Variants in CLSTN2 observed in about 807,000 individuals in gnomAD.
CLSTN2 encodes the protein calsyntenin 2, also known as calsyntenin-2.
A neutral mutation model predicts 101.2 loss-of-function variants in CLSTN2; 48 were observed. That is an observed-to-expected ratio of 0.47 (90% confidence interval 0.38 to 0.60). The LOEUF is 0.60. CLSTN2 is among the 20% of genes least tolerant of loss of function. The pLI, the probability that CLSTN2 is intolerant of heterozygous loss-of-function variation, is 0.00. For synonymous variants in CLSTN2, 481 were observed against 463.6 expected (o/e 1.04, Z -0.48); for missense variants, 1,160 against 1,238.2 (o/e 0.94, Z 0.95).
intron 1 of CLSTN2, among the ~76,000 whole-genome samples, chr3:140,120,747 G>A (rs182948962): frequency 5.9e-5 from 9 of 152,290 alleles, no homozygotes; most frequent in Admixed American, 2.0e-4. Flanking sequence ...TCTGTATATC[G>A]TAAGACCACA....
intron 1 of CLSTN2, among the ~76,000 whole-genome samples, chr3:140,064,534 C>T (rs892401321): frequency 1.3e-5 from 2 of 152,086 alleles, no homozygotes; most frequent in African/African-American, 4.8e-5. Flanking sequence ...AAATCAAAAC[C>T]ACAATGACCA....
In CLSTN2 at chr3:139,980,183, G is replaced by T. The variant is rs978627099; in HGVS notation, c.109+44700G>T. On this transcript the variant is annotated intron_variant, in intron 1 of 16. Coordinates refer to ENST00000458420, the MANE Select transcript of CLSTN2 (RefSeq NM_022131.3). ...AAAATGCAAACCTTAAAACTCTATT[G>T]CCTTCCCAGGCATCTATGTTTCACA... Among the ~76,000 whole-genome samples the T allele has an allele frequency of 1.3e-5, 2 of 151,950 alleles. 1 individual carries two copies. Among genetic ancestry groups the T allele is most frequent in the Admixed American group, 1.3e-4 (2 of 15,232 alleles).
chr3:140,164,636 A>G (rs2010103948), intron 1 of CLSTN2, among the ~76,000 whole-genome samples: 2 of 152,212 alleles, frequency 1.3e-5, no homozygotes, highest in African/African-American at 4.8e-5. Flanking sequence ...AACTTTGGCC[A>G]GTTGGCTTGA....
At chr3:140,061,719 A>C (rs1216618415) in intron 1 of CLSTN2, among the ~76,000 whole-genome samples, 1 of 152,238 alleles carries the variant, frequency 6.6e-6, no homozygotes, top group Non-Finnish European at 1.5e-5. Context: ...GGCAGGACAC[A>C]GTTGCATTCT....
chr3:140,490,445 T>C (rs1477327711), intron 8 of CLSTN2, among the ~76,000 whole-genome samples: 1 of 151,542 alleles, frequency 6.6e-6, no homozygotes, highest in African/African-American at 2.4e-5. Flanking sequence ...CGGACACTTA[T>C]TCCAGAAAAC....
At chr3:140,456,093 G>A (rs1430077069) in intron 6 of CLSTN2, among the ~76,000 whole-genome samples, 1 of 152,228 alleles carries the variant, frequency 6.6e-6, no homozygotes, top group Non-Finnish European at 1.5e-5. Context: ...ACACTACTGT[G>A]TGGTAGAAAG....
intron 4 of CLSTN2, among the ~76,000 whole-genome samples, chr3:140,412,798 T>C (rs1332341030): frequency 6.6e-6 from 1 of 152,014 alleles, no homozygotes; most frequent in Non-Finnish European, 1.5e-5. Flanking sequence ...GAACAACAAA[T>C]GGGTCAAAGA....
At chr3:139,959,233 C>T (rs959280581) in intron 1 of CLSTN2, among the ~76,000 whole-genome samples, 7 of 152,046 alleles carry the variant, frequency 4.6e-5, no homozygotes, top group South Asian at 2.1e-4. Context: ...CTGTGGAGAC[C>T]GTGTCTCCTT....
At chr3:140,049,584 C>A (rs2007950256) in intron 1 of CLSTN2, among the ~76,000 whole-genome samples, 1 of 152,138 alleles carries the variant, frequency 6.6e-6, no homozygotes, top group Non-Finnish European at 1.5e-5. Flanking sequence ...TGGGGTTGTC[C>A]ATAGACACCT....
intron 5 of CLSTN2, among the ~76,000 whole-genome samples, chr3:140,434,757 A>G (rs918801101): frequency 6.6e-6 from 1 of 152,182 alleles, no homozygotes; most frequent in Non-Finnish European, 1.5e-5. Flanking sequence ...TTGTGGCTGT[A>G]TGACTGACAG....
intron 2 of CLSTN2, among the ~76,000 whole-genome samples, chr3:140,381,980 A>G (rs144604958): frequency 6.6e-6 from 1 of 152,208 alleles, no homozygotes; most frequent in Non-Finnish European, 1.5e-5. Context: ...CTCCTTCTCT[A>G]TGTCCAGATT....
intron 2 of CLSTN2, among the ~76,000 whole-genome samples, chr3:140,402,645 C>T (rs1021689151): frequency 1.3e-5 from 2 of 152,120 alleles, no homozygotes; most frequent in African/African-American, 4.8e-5. Flanking sequence ...AATGATGCAC[C>T]GTAGGTACCT....
intron 7 of CLSTN2, among the ~76,000 whole-genome samples, chr3:140,466,058 A>G (rs958750363): frequency 2.0e-5 from 3 of 152,150 alleles, no homozygotes; most frequent in African/African-American, 7.2e-5. Flanking sequence ...AACTATCTCT[A>G]ATGCTGGAAA....
At position 140,546,562 on chromosome 3, in the gene CLSTN2, C is replaced by T. The variant is rs766385470; in HGVS notation, c.1555C>T (p.Leu519=). The part of the protein sequence containing the change: ...PQFAQFFHGS[L]ASLTIRPGKM... ...GTTTGCTCAGTTCTTTCATGGAAGC[C>T]TGGCCAGTCTCACCATCCGCCCTGG... is the stretch of plus-strand genomic sequence containing the variant. Residue 519 remains leucine (L), a synonymous_variant, in exon 10 of 17, where the codon CTG becomes TTG. Transcript: ENST00000458420. 6.5e-5 allele frequency: 105 copies of T among 1,614,036 alleles called. No individual in the cohort carries two copies. The highest frequency in any genetic ancestry group is 8.8e-5 in the Non-Finnish European group (104 of 1,180,010).
At chr3:140,139,511 TCTTC>T (rs1047093443) in intron 1 of CLSTN2, among the ~76,000 whole-genome samples, 8 of 152,116 alleles carry the variant, frequency 5.3e-5, no homozygotes, top group African/African-American at 7.2e-5. Context: ...CTTTAAAAAC[TCTTC>T]CTTCCTGCAT....
At chr3:140,288,665 C>T (rs113452545) in intron 2 of CLSTN2, among the ~76,000 whole-genome samples, 6 of 152,278 alleles carry the variant, frequency 3.9e-5, no homozygotes, top group African/African-American at 1.4e-4. Context: ...GTTAGCATCT[C>T]CTGCTTCCCA....
chr3:140,395,225 G>A (rs2088167788), intron 2 of CLSTN2, among the ~76,000 whole-genome samples: 1 of 152,086 alleles, frequency 6.6e-6, no homozygotes, highest in South Asian at 2.1e-4. Context: ...TAGAAAGAAA[G>A]GTATAAATGG....
At chr3:140,527,997 T>C (rs1403828718) in intron 8 of CLSTN2, among the ~76,000 whole-genome samples, 3 of 152,150 alleles carry the variant, frequency 2.0e-5, no homozygotes, top group Non-Finnish European at 4.4e-5. Context: ...TGTGATAGGA[T>C]CATTTGTCCT....
At chr3:140,386,554 C>A (rs769278080) in intron 2 of CLSTN2, among the ~76,000 whole-genome samples, 1 of 152,238 alleles carries the variant, frequency 6.6e-6, no homozygotes, top group African/African-American at 2.4e-5. Context: ...GTCGCTCCCA[C>A]ACACAGCTGT....
Sources: gnomAD v4.1 joint callset for allele counts (sites outside exome capture counted in the v4.1 genomes callset) on GRCh38, gnomAD v4.1.1 for gene constraint, MANE v1.5 for transcripts, NCBI Gene and HGNC (gene_info 2026-07-23, HGNC 2026-07-21) for gene names.